Variants in FAXDC2 observed in about 807,000 individuals in gnomAD.
FAXDC2 encodes fatty acid hydroxylase domain containing 2.
A neutral mutation model predicts 40.9 loss-of-function variants in FAXDC2; 41 were observed. The ratio of observed to expected loss-of-function variants is 1.00; its 90% confidence interval spans 0.78 to 1.30. FAXDC2 has a LOEUF of 1.30. Ranked by LOEUF, FAXDC2 falls within the 50% of genes most tolerant of loss-of-function variation. FAXDC2 has a pLI of 0.00. For synonymous variants in FAXDC2, 157 were observed against 149.3 expected (o/e 1.05, Z -0.38); for missense variants, 390 against 408.8 (o/e 0.95, Z 0.40).
At chr5:154,845,401 A>G (rs1274939246) in intron 1 of FAXDC2, among the ~76,000 whole-genome samples, 1 of 152,214 alleles carries the variant, frequency 6.6e-6, no homozygotes, top group Non-Finnish European at 1.5e-5. Context: ...TACCATAGTC[A>G]TTACTTTCTG....
At chr5:154,826,642 A>G (rs929872121) in intron 5 of FAXDC2, among the ~76,000 whole-genome samples, 4 of 152,130 alleles carry the variant, frequency 2.6e-5, no homozygotes, top group African/African-American at 9.7e-5. Context: ...CAGCTGTGGA[A>G]ATGTCTCTGG....
chr5:154,834,356 T>C (rs926650834), intron 4 of FAXDC2, among the ~76,000 whole-genome samples: 2 of 152,200 alleles, frequency 1.3e-5, no homozygotes, highest in African/African-American at 4.8e-5. Flanking sequence ...ATTATTGCTC[T>C]AAATGTGCAT....
In FAXDC2 at chr5:154,821,296, A is replaced by T. The variant is rs1440156809; in HGVS notation, c.809T>A (p.Leu270Gln). 3.1e-6 allele frequency: 5 copies of T among 1,612,168 alleles called. No individual in the cohort carries two copies. Among genetic ancestry groups the T allele is most frequent in the Non-Finnish European group, 4.2e-6 (5 of 1,179,068 alleles). Reference protein sequence around the residue: ...ISHCGYHLPFLPSPEFHDYHH... With the variant: ...ISHCGYHLPFQPSPEFHDYHH... ...GTAGTCGTGGAATTCAGGCGAAGGCAGGAAGGGAAGGTGGTAGCCACAGTG... is the reference window on the plus strand; with the variant it reads ...GTAGTCGTGGAATTCAGGCGAAGGCTGGAAGGGAAGGTGGTAGCCACAGTG... Residue 270 changes from leucine (L) to glutamine (Q), a missense_variant, in exon 8 of 9, where the codon CTG (leucine) becomes CAG (glutamine). By Grantham distance (113) the Leu-to-Gln change is moderately radical. Coordinates refer to ENST00000326080, the MANE Select transcript of FAXDC2 (RefSeq NM_032385.5).
At chr5:154,825,744 G>A (rs1211254342) in intron 5 of FAXDC2, among the ~76,000 whole-genome samples, 2 of 151,692 alleles carry the variant, frequency 1.3e-5, no homozygotes, top group East Asian at 3.9e-4. Flanking sequence ...GTGGTAAGAA[G>A]TGACTGGATT....
intron 4 of FAXDC2, among the ~76,000 whole-genome samples, chr5:154,833,959 C>A (rs255530): frequency 0.051 from 7,760 of 151,656 alleles, 354 homozygotes; most frequent in African/African-American, 0.13. Context: ...TCAGCCACCA[C>A]GCCTGGCCTC....
chr5:154,849,946 A>G (rs779118064), intron 1 of FAXDC2, among the ~76,000 whole-genome samples: 51 of 152,240 alleles, frequency 3.3e-4, no homozygotes, highest in Non-Finnish European at 7.5e-4. Context: ...AGTATGTTGC[A>G]TCAAAACAGT....
At chr5:154,825,559 A>G (rs1028798798) in intron 5 of FAXDC2, among the ~76,000 whole-genome samples, 1 of 149,408 alleles carries the variant, frequency 6.7e-6, no homozygotes, top group African/African-American at 2.5e-5. Context: ...CAGGAGGCTG[A>G]GGCAGGAGAA....
intron 7 of FAXDC2, among the ~76,000 whole-genome samples, 173 bp from the exon 8 acceptor site, chr5:154,821,599 C>A (rs929037113): frequency 6.6e-6 from 1 of 152,114 alleles, no homozygotes. Context: ...TAACTTGGGA[C>A]AAATTACGCA....
intron 3 of FAXDC2, 33 bp downstream of exon 3, chr5:154,834,810 A>G (rs761033671): frequency 3.5e-5 from 56 of 1,596,332 alleles, no homozygotes; most frequent in Non-Finnish European, 4.1e-5. Flanking sequence ...GACCACCACC[A>G]CACTGCACCC....
At chr5:154,846,160 A>G (rs1449040154) in intron 1 of FAXDC2, among the ~76,000 whole-genome samples, 19 of 151,976 alleles carry the variant, frequency 1.3e-4, no homozygotes, top group Admixed American at 1.2e-3. Context: ...CTGAGACTAC[A>G]AAAGTATAGA....
intron 1 of FAXDC2, among the ~76,000 whole-genome samples, chr5:154,839,391 C>T (rs1760428930): frequency 6.6e-6 from 1 of 151,614 alleles, no homozygotes; most frequent in Non-Finnish European, 1.5e-5. Context: ...ACCTGTAGTC[C>T]CAACACTTGG....
At chr5:154,844,319 T>C (rs1313094075) in intron 1 of FAXDC2, among the ~76,000 whole-genome samples, 1 of 150,570 alleles carries the variant, frequency 6.6e-6, no homozygotes, top group East Asian at 1.9e-4. Context: ...GAGGTGGAGG[T>C]TGCAATGAGC....
intron 5 of FAXDC2, 63 bp downstream of exon 5, chr5:154,830,738 T>C: frequency 1.2e-6 from 2 of 1,602,648 alleles, no homozygotes; most frequent in South Asian, 2.2e-5. Flanking sequence ...TGGTGAGAAT[T>C]CTGAGAGTGT....
chr5:154,842,512 GTTTTTTTTT>G (rs772426610), intron 1 of FAXDC2, among the ~76,000 whole-genome samples: 33 of 51,614 alleles, frequency 6.4e-4, no homozygotes, highest in African/African-American at 2.1e-3. Flanking sequence ...CCCTTTGTGT[GTTTTTTTTT>G]TTTTTTTTTT....
At chr5:154,836,966 C>T (rs1390946657) in intron 2 of FAXDC2, among the ~76,000 whole-genome samples, 1 of 152,184 alleles carries the variant, frequency 6.6e-6, no homozygotes, top group Non-Finnish European at 1.5e-5. Flanking sequence ...TGTGCCACTA[C>T]ACCTGGCCAG....
chr5:154,819,731 T>A lies in FAXDC2; in HGVS notation c.*585A>T, dbSNP rs1429951778. 6.6e-6 allele frequency: 1 copy of A among 152,636 alleles called. No homozygotes were observed. The highest frequency in any genetic ancestry group is 1.5e-5 in the Non-Finnish European group (1 of 68,078). The allele number at this position is 152,636 out of a possible 1,614,324, so 9.5% of individuals were successfully genotyped here. A position where few individuals can be genotyped will look rare whatever the true frequency, so the allele number is the denominator to read the frequency against. On this transcript the variant is annotated 3_prime_UTR_variant, in exon 9 of 9. Coordinates refer to ENST00000326080, the MANE Select transcript of FAXDC2 (RefSeq NM_032385.5). ...GGCCTTTACCACTCACTCAGAGTGT[T>A]TGGTGTGTGTATGTTTGTGTGTGTG...
intron 4 of FAXDC2, among the ~76,000 whole-genome samples, chr5:154,831,963 G>A (rs973032350): frequency 1.3e-5 from 2 of 151,998 alleles, no homozygotes; most frequent in African/African-American, 4.8e-5. Flanking sequence ...GAATAGAATG[G>A]GAAGCTTAGA....
chr5:154,835,227 C>T (rs917427864), intron 2 of FAXDC2: 90 of 323,914 alleles, frequency 2.8e-4, no homozygotes, highest in African/African-American at 1.7e-3. Context: ...AGAGGACAGG[C>T]GAGCCTCTAT....
intron 1 of FAXDC2, among the ~76,000 whole-genome samples, chr5:154,846,154 G>T (rs1241146079): frequency 6.6e-6 from 1 of 151,900 alleles, no homozygotes; most frequent in Non-Finnish European, 1.5e-5. Flanking sequence ...TACCAACTGA[G>T]ACTACAAAAG....
Sources: gnomAD v4.1 joint callset for allele counts (sites outside exome capture counted in the v4.1 genomes callset) on GRCh38, gnomAD v4.1.1 for gene constraint, MANE v1.5 for transcripts, NCBI Gene and HGNC (gene_info 2026-07-23, HGNC 2026-07-21) for gene names.